ZFYVE26: variants seen among roughly 807,000 people sequenced by gnomAD.
ZFYVE26 encodes zinc finger FYVE-type containing 26.
ZFYVE26 carries 181 observed loss-of-function variants against 276.5 expected under a neutral mutation model. The observed-to-expected ratio is 0.65, with a 90% CI of 0.58 to 0.74. The LOEUF (loss-of-function observed/expected upper bound fraction) is 0.74, where lower values mean the gene tolerates loss of function less well. Ranked by LOEUF, ZFYVE26 falls within the 30% of genes least tolerant of loss-of-function variation. The pLI, the probability that ZFYVE26 is intolerant of heterozygous loss-of-function variation, is 0.00. For synonymous variants in ZFYVE26, 1,129 were observed against 1,203.1 expected (o/e 0.94, Z 1.27); for missense variants, 2,821 against 3,097.9 (o/e 0.91, Z 2.12).
intron 12 of ZFYVE26, among the ~76,000 whole-genome samples, chr14:67,795,489 G>A (rs1405833722): frequency 3.3e-5 from 5 of 152,266 alleles, no homozygotes; most frequent in African/African-American, 4.8e-5. Context: ...AGGCAGGGTC[G>A]CAGGTCACTT....
intron 22 of ZFYVE26, 147 bp from the exon 23 acceptor site, chr14:67,780,492 G>C: frequency 1.3e-6 from 1 of 745,930 alleles, no homozygotes; most frequent in South Asian, 1.5e-5. Flanking sequence ...GAGCAAATTG[G>C]GCAAAGATTA....
At chr14:67,790,419 C>T (rs1019854623) in intron 15 of ZFYVE26, among the ~76,000 whole-genome samples, 153 bp downstream of exon 15, 32 of 152,176 alleles carry the variant, frequency 2.1e-4, no homozygotes, top group African/African-American at 7.2e-4. Flanking sequence ...AGCTGGAAAA[C>T]TGGACGTATC....
intron 13 of ZFYVE26, chr14:67,733,603 A>C (rs1294173222): frequency 1.7e-6 from 1 of 597,868 alleles, no homozygotes; most frequent in Non-Finnish European, 3.1e-6. Flanking sequence ...ATATTTTTGG[A>C]GTGCATTTTG....
chr14:67,785,100 G>A lies in ZFYVE26; in HGVS notation c.3482C>T (p.Thr1161Ile), dbSNP rs1343184901. Residue 1161 changes from threonine to isoleucine, a missense_variant, in exon 19 of 42, where the codon ACC (threonine) becomes ATC (isoleucine). Transcript: ENST00000347230. Reference protein sequence around the residue: ...YLGTFFSYCSTLAAVLLQSLS... With the variant: ...YLGTFFSYCSILAAVLLQSLS... ...ACTTTGAAGGAGAACTGCAGCAAGG[G>A]TGCTGCAGTAACTGAAGAAGGTGCC... is the stretch of plus-strand genomic sequence containing the variant. 3.7e-6 allele frequency: 6 copies of A among 1,614,078 alleles called. No homozygotes were observed. Among genetic ancestry groups the A allele is most frequent in the Non-Finnish European group, 8.5e-7 (1 of 1,180,040 alleles).
intron 39 of ZFYVE26, 42 bp from the exon 40 acceptor site, chr14:67,752,568 G>A (rs774500936): frequency 8.1e-6 from 13 of 1,606,766 alleles, no homozygotes; most frequent in Admixed American, 1.7e-5. Context: ...AGCAGGAAAC[G>A]TTAACGGTGG....
chr14:67,760,973 G>T (rs1468535568), intron 35 of ZFYVE26: 6 of 503,834 alleles, frequency 1.2e-5, no homozygotes, highest in Admixed American at 3.3e-5. Context: ...CAGCAGCTGG[G>T]TCAGAAGCTG....
intron 35 of ZFYVE26, among the ~76,000 whole-genome samples, chr14:67,758,532 C>T (rs1452415544): frequency 1.3e-5 from 2 of 152,194 alleles, no homozygotes; most frequent in Non-Finnish European, 1.5e-5. Flanking sequence ...AGGATAAATG[C>T]AGTACCAGGG....
chr14:67,766,831 T>G (rs989962774), intron 31 of ZFYVE26, among the ~76,000 whole-genome samples: 4 of 152,070 alleles, frequency 2.6e-5, no homozygotes, highest in African/African-American at 4.8e-5. Flanking sequence ...TCCCAAGTAG[T>G]GGGGACCACA....
At chr14:67,757,640 G>GTCTGTCTTTCTT (rs1477663222) in intron 35 of ZFYVE26, among the ~76,000 whole-genome samples, 75 of 149,018 alleles carry the variant, frequency 5.0e-4, no homozygotes, top group African/African-American at 1.6e-3. Context: ...AGATATTTTT[G>GTCTGTCTTTCTT]TCTTTCTTTC....
rs1466130502 is a variant in ZFYVE26 at position 67,798,318 on chromosome 14, A to G, written c.1944T>C (p.His648=). The part of the protein sequence containing the change: ...PKTLAYTMPS[H]VKAEPKDSYP... ...AACTGTCTTTTGGCTCTGCCTTCAC[A>G]TGGCTTGGCATTGTATAAGCAAGGG... Residue 648 remains histidine (H), a synonymous_variant, in exon 11 of 42, where the codon CAT becomes CAC. Transcript: ENST00000347230. The G allele has an allele frequency of 6.2e-7, 1 of 1,613,356 alleles. No homozygotes were observed. The highest frequency in any genetic ancestry group is 8.5e-7 in the Non-Finnish European group (1 of 1,179,714).
intron 31 of ZFYVE26, 129 bp from the exon 32 acceptor site, chr14:67,766,576 G>T: frequency 1.2e-6 from 1 of 817,580 alleles, no homozygotes; most frequent in Non-Finnish European, 2.0e-6. Flanking sequence ...GAAGGAACCA[G>T]ATTCTACAAG....
rs369322153 is a variant in ZFYVE26, at chr14:67,751,849, G to A, written c.7371+495C>T. The stretch of plus-strand genomic sequence containing the variant: ...GATACTCCAGCCTGGGCGACAGCGC[G>A]AGACTCTGTCTCAAAAAAAAAAAAG... On this transcript the variant is annotated intron_variant, in intron 40 of 41. Coordinates refer to ENST00000347230, the MANE Select transcript of ZFYVE26 (RefSeq NM_015346.4). 7.0e-4 allele frequency among the ~76,000 whole-genome samples: 105 copies of A among 150,682 alleles called. 4 individuals are homozygous for A. In the Middle Eastern group the frequency reaches 0.017, roughly 24 times the overall value.
chr14:67,809,173 G>A, intron 4 of ZFYVE26, 27 bp downstream of exon 4: 1 of 1,585,230 alleles, frequency 6.3e-7, no homozygotes, highest in Non-Finnish European at 8.7e-7. Flanking sequence ...TCAACCCTGG[G>A]CAGATGGTAC....
intron 24 of ZFYVE26, 55 bp downstream of exon 24, chr14:67,778,071 T>C: frequency 6.2e-7 from 1 of 1,612,302 alleles, no homozygotes; most frequent in Non-Finnish European, 8.5e-7. Flanking sequence ...CCATCTGATT[T>C]GACTAAACTT....
chr14:67,768,129 G>T (rs1247361057), intron 30 of ZFYVE26, among the ~76,000 whole-genome samples: 2 of 152,224 alleles, frequency 1.3e-5, no homozygotes, highest in African/African-American at 4.8e-5. Flanking sequence ...CTGAGCCACT[G>T]GACACTCTAA....
rs192196884 is a variant in ZFYVE26, at chr14:67,805,585, A to T, written c.1051T>A (p.Phe351Ile). 2.4e-5 allele frequency: 38 copies of T among 1,614,230 alleles called. No individual in the cohort carries two copies. The Admixed American group carries it at 6.3e-4, about 27-fold the overall frequency. ...TCAAGTAGGCAGCCAAGATTTGGGA[A>T]GTCTTCTTCTTTCAACAATGTTAGT... is the stretch of plus-strand genomic sequence containing the variant. The part of the protein sequence containing the change: ...TALTLLKEED[F>I]PNLGCLLDRE... The change falls in exon 7 of 42, where the codon TTC becomes ATC. Residue 351 changes from phenylalanine to isoleucine, a missense_variant. Transcript: ENST00000347230.
intron 7 of ZFYVE26, 25 bp downstream of exon 7, chr14:67,805,429 G>A: frequency 6.2e-7 from 1 of 1,614,134 alleles, no homozygotes; most frequent in Non-Finnish European, 8.5e-7. Context: ...TTCCAGAGCA[G>A]CCTGGGATGC....
intron 30 of ZFYVE26, among the ~76,000 whole-genome samples, chr14:67,768,259 C>T (rs1429193943): frequency 6.6e-6 from 1 of 152,180 alleles, no homozygotes; most frequent in Non-Finnish European, 1.5e-5. Flanking sequence ...AAAATAAAAT[C>T]ACCTACTAAA....
chr14:67,729,068 C>G, intron 14 of ZFYVE26: 1 of 1,001,508 alleles, frequency 1.0e-6, no homozygotes. Context: ...GTGGTACCTG[C>G]TGAATCCTGG....
Sources: gnomAD v4.1 joint callset for allele counts (sites outside exome capture counted in the v4.1 genomes callset) on GRCh38, gnomAD v4.1.1 for gene constraint, MANE v1.5 for transcripts, NCBI Gene and HGNC (gene_info 2026-07-23, HGNC 2026-07-21) for gene names.